Variants in TGFA observed in about 807,000 individuals in gnomAD.
TGFA encodes the protein transforming growth factor alpha.
A neutral mutation model predicts 21.7 loss-of-function variants in TGFA; 12 were observed. The ratio of observed to expected loss-of-function variants is 0.55; its 90% CI spans 0.35 to 0.90. TGFA has a LOEUF of 0.90. Ranked by LOEUF, TGFA falls within the 40% of genes least tolerant of loss-of-function variation. The pLI is 0.01. For missense variants in TGFA, 178 were observed against 210.8 expected, an observed-to-expected ratio of 0.84 and a Z score of 0.96; for synonymous variants, 79 against 88.1, an observed-to-expected ratio of 0.90 and a Z score of 0.58.
chr2:70,546,749 C>G (rs1673318039), intron 1 of TGFA, among the ~76,000 whole-genome samples: 1 of 152,026 alleles, frequency 6.6e-6, no homozygotes, highest in Admixed American at 6.6e-5. Context: ...TGGTGGGAGT[C>G]TCACTATGTT....
At chr2:70,475,921 A>G (rs1337008976) in intron 2 of TGFA, among the ~76,000 whole-genome samples, 1 of 151,916 alleles carries the variant, frequency 6.6e-6, no homozygotes, top group African/African-American at 2.4e-5. Context: ...ACCATTCTAC[A>G]TTCATTATGG....
chr2:70,543,948 G>C (rs1316383139), intron 1 of TGFA, among the ~76,000 whole-genome samples: 13 of 152,150 alleles, frequency 8.5e-5, no homozygotes, highest in Non-Finnish European at 1.5e-4. Flanking sequence ...ACATAGCCAA[G>C]AAGAGTTTAT....
chr2:70,538,180 A>G (rs898514320), intron 1 of TGFA, among the ~76,000 whole-genome samples: 3 of 152,262 alleles, frequency 2.0e-5, no homozygotes, highest in East Asian at 1.9e-4. Flanking sequence ...CTCAGAAAAA[A>G]AAAGCATTTC....
intron 2 of TGFA, among the ~76,000 whole-genome samples, chr2:70,480,204 G>A (rs1671069936): frequency 6.6e-6 from 1 of 152,206 alleles, no homozygotes; most frequent in South Asian, 2.1e-4. Flanking sequence ...TTCATGCCAT[G>A]CCAGTAGTGA....
intron 3 of TGFA, 111 bp downstream of exon 3, chr2:70,465,505 G>C: frequency 7.2e-7 from 1 of 1,380,854 alleles, no homozygotes; most frequent in East Asian, 2.4e-5. Flanking sequence ...TGACACATCT[G>C]GCTCCAGGGG....
In TGFA at chr2:70,553,710, C is replaced by A. The variant is rs561717893; in HGVS notation, c.40+18G>T. On this transcript the variant is annotated intron_variant, in intron 1 of 5. Coordinates refer to ENST00000295400, the MANE Select transcript of TGFA (RefSeq NM_003236.4). ...GGGTGTCGCGCGGCGCAGGGGGCGC[C>A]GCAGCCGGCGTACGTACCCAGAGCG... is the stretch of plus-strand genomic sequence containing the variant. The A allele has an allele frequency of 1.4e-5, 18 of 1,328,044 alleles. No homozygotes were observed. Among genetic ancestry groups the A allele is most frequent in the East Asian group, 3.0e-5 (1 of 33,252 alleles). 82.3% of individuals were successfully genotyped at this position (1,328,044 alleles called of 1,614,324 possible).
intron 1 of TGFA, among the ~76,000 whole-genome samples, chr2:70,518,359 A>G (rs1672350665): frequency 6.6e-6 from 1 of 152,214 alleles, no homozygotes; most frequent in South Asian, 2.1e-4. Context: ...ACCCTTATGA[A>G]AGGCTGATCC....
chr2:70,506,383 T>A (rs1671926868), intron 2 of TGFA, among the ~76,000 whole-genome samples: 1 of 152,188 alleles, frequency 6.6e-6, no homozygotes. Context: ...CATCTTCCCA[T>A]CCAACTGTAA....
At chr2:70,456,285 C>T (rs955219878) in intron 4 of TGFA, 54 bp downstream of exon 4, 5 of 1,516,734 alleles carry the variant, frequency 3.3e-6, no homozygotes, top group Admixed American at 2.0e-5. Context: ...CTGCGGATGT[C>T]CCTGGTAGGG....
chr2:70,544,927 G>T (rs1165166172), intron 1 of TGFA, among the ~76,000 whole-genome samples: 1 of 152,056 alleles, frequency 6.6e-6, no homozygotes, highest in African/African-American at 2.4e-5. Context: ...AAAATAGTTA[G>T]AAAGAATAAG....
intron 2 of TGFA, among the ~76,000 whole-genome samples, chr2:70,495,121 T>C (rs1241392966): frequency 2.0e-5 from 3 of 152,248 alleles, no homozygotes; most frequent in African/African-American, 7.2e-5. Context: ...TCATTACGTT[T>C]TTAGATCTAG....
intron 2 of TGFA, among the ~76,000 whole-genome samples, chr2:70,497,654 A>G (rs1671617230): frequency 6.6e-6 from 1 of 152,208 alleles, no homozygotes; most frequent in African/African-American, 2.4e-5. Context: ...GCTGGTGGGT[A>G]GGATAAGAGA....
rs1442357705 is a variant in TGFA, at chr2:70,453,237, A to C, written c.456T>G (p.Ala152=). ...CCTTACCTGTTTCTGAGTGGCAGCA[A>C]GCGGTTCTTCCCTTCAGGAGGGCGC... is the stretch of plus-strand genomic sequence containing the variant. ...KPSALLKGRT[A]CCHSETVV is the part of the protein sequence containing the mutation. The change falls in exon 5 of 6, where the codon GCT becomes GCG. Residue 152 remains alanine (A), a synonymous_variant. Coordinates refer to ENST00000295400, the MANE Select transcript of TGFA (RefSeq NM_003236.4). 1.9e-6 allele frequency: 3 copies of C among 1,613,654 alleles called. No homozygotes were observed. The highest frequency in any genetic ancestry group is 1.7e-6 in the Non-Finnish European group (2 of 1,179,772).
intron 2 of TGFA, among the ~76,000 whole-genome samples, chr2:70,497,211 C>T (rs185825055): frequency 1.6e-3 from 241 of 152,338 alleles, no homozygotes; most frequent in Non-Finnish European, 3.0e-3. Context: ...CGGCAGAGCT[C>T]TGCAGGGCAA....
intron 2 of TGFA, among the ~76,000 whole-genome samples, chr2:70,491,894 G>A (rs1410492001): frequency 2.0e-5 from 3 of 152,178 alleles, no homozygotes; most frequent in Admixed American, 1.3e-4. Context: ...CCCACCAAAT[G>A]AGCTGCACAA....
At chr2:70,451,335 T>C (rs1205949227) in intron 5 of TGFA, among the ~76,000 whole-genome samples, 1 of 152,222 alleles carries the variant, frequency 6.6e-6, no homozygotes, top group African/African-American at 2.4e-5. Flanking sequence ...TGAGGCAGCA[T>C]GGACCGTCCT....
intron 2 of TGFA, among the ~76,000 whole-genome samples, chr2:70,488,523 G>A (rs186633051): frequency 6.6e-6 from 1 of 152,124 alleles, no homozygotes; most frequent in Non-Finnish European, 1.5e-5. Flanking sequence ...GTTCTACTGA[G>A]ATTCTGTTTC....
chr2:70,502,756 C>T (rs1553499389), intron 2 of TGFA, among the ~76,000 whole-genome samples: 1 of 152,146 alleles, frequency 6.6e-6, no homozygotes, highest in Non-Finnish European at 1.5e-5. Flanking sequence ...TTTCAGATAC[C>T]ATTTCTTACT....
intron 3 of TGFA, 91 bp from the exon 4 acceptor site, chr2:70,456,579 G>A (rs1476158971): frequency 9.6e-6 from 14 of 1,457,554 alleles, no homozygotes; most frequent in African/African-American, 5.6e-5. Flanking sequence ...GGGACCCAGA[G>A]CCTGCAGGTA....
Sources: allele counts gnomAD v4.1 joint callset (sites outside exome capture counted in the v4.1 genomes callset), GRCh38; gene constraint gnomAD v4.1.1; transcripts MANE v1.5; gene names NCBI Gene and HGNC (gene_info 2026-07-23, HGNC 2026-07-21).